Variants in MARCHF1 observed in about 807,000 individuals in gnomAD.
The protein encoded by MARCHF1 is membrane associated ring-CH-type finger 1, also known as E3 ubiquitin-protein ligase MARCHF1.
Under a neutral mutation model 54.2 loss-of-function variants are expected in MARCHF1, and 40 were observed. The observed-to-expected ratio is 0.74, with a 90% CI of 0.57 to 0.96. The LOEUF (loss-of-function observed/expected upper bound fraction) is 0.96, where lower values mean the gene tolerates loss of function less well. Among genes scored for constraint, MARCHF1 ranks in the 40% least tolerant of loss-of-function variants. The probability of loss-of-function intolerance (pLI) is 0.00; values close to 1 mark genes in which losing one functional copy is unlikely to be tolerated. For synonymous variants in MARCHF1, 236 were observed against 236.3 expected (o/e 1.00, Z 0.01); for missense variants, 586 against 656.5 (o/e 0.89, Z 1.17).
chr4:163,862,073 A>G (rs1468845300), intron 3 of MARCHF1, among the ~76,000 whole-genome samples: 1 of 152,106 alleles, frequency 6.6e-6, no homozygotes, highest in African/African-American at 2.4e-5. Flanking sequence ...CTGAAAATGA[A>G]TCATAAACTT....
At chr4:163,990,490 T>TA (rs963988922) in intron 2 of MARCHF1, among the ~76,000 whole-genome samples, 4 of 152,182 alleles carry the variant, frequency 2.6e-5, no homozygotes, top group African/African-American at 9.7e-5. Flanking sequence ...AAAATAGTTT[T>TA]AAAAAATAGG....
At chr4:163,844,270 G>T (rs1262666772) in intron 4 of MARCHF1, among the ~76,000 whole-genome samples, 1 of 151,986 alleles carries the variant, frequency 6.6e-6, no homozygotes, top group Non-Finnish European at 1.5e-5. Context: ...TGTTTTAATG[G>T]TGTTCTTTGT....
At position 163,756,503 on chromosome 4, in the gene MARCHF1, C is replaced by T. The variant is rs190448713; in HGVS notation, c.112-55640G>A. 2.1e-3 allele frequency among the ~76,000 whole-genome samples: 324 copies of T among 151,378 alleles called. 1 individual carries two copies. Among genetic ancestry groups the T allele is most frequent in the Non-Finnish European group, 3.8e-3 (260 of 67,792 alleles). On this transcript the variant is annotated intron_variant, in intron 4 of 9. Coordinates refer to ENST00000514618, the MANE Select transcript of MARCHF1 (RefSeq NM_001394959.1). ...AAATTATTAGCTGGGCGTGGTGGCA[C>T]GTGCCTGTAGTCCCAGCTACTAGGG...
At chr4:163,659,265 T>C (rs1283434158) in intron 5 of MARCHF1, among the ~76,000 whole-genome samples, 1 of 152,058 alleles carries the variant, frequency 6.6e-6, no homozygotes, top group Non-Finnish European at 1.5e-5. Flanking sequence ...AGTATACATC[T>C]GATCTTTGAC....
intron 3 of MARCHF1, among the ~76,000 whole-genome samples, chr4:163,948,142 GACA>G (rs140843188): frequency 6.5e-4 from 99 of 152,274 alleles, no homozygotes; most frequent in African/African-American, 2.3e-3. Flanking sequence ...TCTATCTGAT[GACA>G]ACAAGGGCAC....
At chr4:164,206,397 A>G (rs1269009984) in intron 1 of MARCHF1, among the ~76,000 whole-genome samples, 1 of 152,188 alleles carries the variant, frequency 6.6e-6, no homozygotes, top group Non-Finnish European at 1.5e-5. Context: ...AGGTCATGCC[A>G]TTGTACTCCA....
intron 3 of MARCHF1, among the ~76,000 whole-genome samples, chr4:163,908,137 A>C (rs1245411430): frequency 6.6e-6 from 1 of 152,188 alleles, no homozygotes; most frequent in Non-Finnish European, 1.5e-5. Context: ...ATATCCAGAT[A>C]AAGAAGGTTA....
intron 2 of MARCHF1, among the ~76,000 whole-genome samples, chr4:164,070,271 A>G (rs1238269440): frequency 6.6e-6 from 1 of 152,208 alleles, no homozygotes. Flanking sequence ...CTGTCATGAC[A>G]CAATGTTAAA....
intron 1 of MARCHF1, among the ~76,000 whole-genome samples, chr4:164,261,306 C>T (rs1294063922): frequency 2.6e-5 from 4 of 152,068 alleles, no homozygotes; most frequent in Admixed American, 6.6e-5. Context: ...ATATAATCTG[C>T]TAAGGTAGAT....
At chr4:164,114,597 A>ATTATATTATG (rs1257929850) in intron 1 of MARCHF1, among the ~76,000 whole-genome samples, 1 of 151,640 alleles carries the variant, frequency 6.6e-6, no homozygotes, top group African/African-American at 2.4e-5. Context: ...TAAGTATTAT[A>ATTATATTATG]TTATATTATG....
intron 4 of MARCHF1, among the ~76,000 whole-genome samples, chr4:163,838,852 TCTTAGATACAA>T (rs1479933211): frequency 6.6e-6 from 1 of 152,022 alleles, no homozygotes; most frequent in East Asian, 1.9e-4. Flanking sequence ...GGTTATTATT[TCTTAGATACAA>T]CACTAACAGC....
intron 1 of MARCHF1, among the ~76,000 whole-genome samples, chr4:164,257,607 A>G (rs1220760646): frequency 2.0e-5 from 3 of 151,868 alleles, no homozygotes; most frequent in African/African-American, 7.2e-5. Flanking sequence ...TAAAATATAT[A>G]ACATATGATA....
At chr4:163,981,967 G>T (rs6827178) in intron 3 of MARCHF1, among the ~76,000 whole-genome samples, 96,570 of 152,016 alleles carry the variant, frequency 0.64, 30,862 homozygotes, top group East Asian at 0.89. Context: ...TAAAAAATAC[G>T]GACCAGGGTG....
At chr4:164,088,561 A>C (rs1466697271) in intron 2 of MARCHF1, among the ~76,000 whole-genome samples, 1 of 151,964 alleles carries the variant, frequency 6.6e-6, no homozygotes, top group Non-Finnish European at 1.5e-5. Flanking sequence ...AACATGGCAA[A>C]ACTCTGTCTC....
At chr4:164,146,720 C>A (rs1579573007) in intron 1 of MARCHF1, among the ~76,000 whole-genome samples, 1 of 152,200 alleles carries the variant, frequency 6.6e-6, no homozygotes, top group Admixed American at 6.5e-5. Context: ...TATAAAAACC[C>A]TAGAAGAAAA....
chr4:163,707,244 T>C (rs1579213033), intron 4 of MARCHF1, among the ~76,000 whole-genome samples: 1 of 152,206 alleles, frequency 6.6e-6, no homozygotes, highest in African/African-American at 2.4e-5. Flanking sequence ...ATCCTCTGTC[T>C]AGAAAAATAC....
intron 5 of MARCHF1, among the ~76,000 whole-genome samples, chr4:163,637,481 CAT>C (rs1246416953): frequency 6.6e-6 from 1 of 152,224 alleles, no homozygotes; most frequent in East Asian, 1.9e-4. Flanking sequence ...AGCCAAAAAA[CAT>C]ATGAAATAAT....
intron 5 of MARCHF1, among the ~76,000 whole-genome samples, chr4:163,630,082 T>C (rs755797760): frequency 6.6e-6 from 1 of 152,210 alleles, no homozygotes; most frequent in Non-Finnish European, 1.5e-5. Flanking sequence ...TTCTTTTATA[T>C]ACTTACCTAA....
intron 3 of MARCHF1, among the ~76,000 whole-genome samples, chr4:163,964,397 G>C (rs1012002938): frequency 6.6e-6 from 1 of 151,912 alleles, no homozygotes; most frequent in Non-Finnish European, 1.5e-5. Context: ...TACAAACAGT[G>C]TGAGTTACGT....
Sources: allele counts gnomAD v4.1 joint callset (sites outside exome capture counted in the v4.1 genomes callset), GRCh38; gene constraint gnomAD v4.1.1; transcripts MANE v1.5; gene names NCBI Gene and HGNC (gene_info 2026-07-23, HGNC 2026-07-21).